The following ARB2A variants were observed in gnomAD, a reference collection of about 807,000 sequenced individuals.
The protein encoded by ARB2A is cotranscriptional regulator ARB2A.
the ARB2A span, among the ~76,000 whole-genome samples, chr5:93,827,582 C>A: frequency 6.6e-6 from 1 of 152,044 alleles, no homozygotes; most frequent in Admixed American, 6.5e-5. Flanking sequence ...TTTTGCTGTG[C>A]AGAAGCTCTT....
chr5:93,939,720 G>T, the ARB2A span, among the ~76,000 whole-genome samples: 2 of 151,956 alleles, frequency 1.3e-5, no homozygotes, highest in African/African-American at 4.8e-5. Context: ...ATTTTCTTCA[G>T]TGCTATTAAT....
chr5:93,986,560 C>T, the ARB2A span, among the ~76,000 whole-genome samples: 2 of 152,258 alleles, frequency 1.3e-5, no homozygotes, highest in East Asian at 1.9e-4. Context: ...ATGACGATGG[C>T]GGTTCTGTCT....
chr5:93,757,627 A>T, the ARB2A span, among the ~76,000 whole-genome samples: 2 of 152,310 alleles, frequency 1.3e-5, no homozygotes, highest in East Asian at 3.9e-4. Flanking sequence ...ATCCAGTGAA[A>T]CTAAGCATCA....
chr5:94,056,185 T>G, the ARB2A span, among the ~76,000 whole-genome samples: 1 of 152,242 alleles, frequency 6.6e-6, no homozygotes, highest in South Asian at 2.1e-4. Flanking sequence ...CTTATAATAC[T>G]CTAGCCCTCC....
the ARB2A span, among the ~76,000 whole-genome samples, chr5:93,623,934 C>A: frequency 1.3e-5 from 2 of 152,094 alleles, no homozygotes; most frequent in South Asian, 4.1e-4. Flanking sequence ...CTAACTTGGA[C>A]TGCATATATA....
At chr5:93,926,084 G>A in the ARB2A span, among the ~76,000 whole-genome samples, 1 of 151,666 alleles carries the variant, frequency 6.6e-6, no homozygotes, top group African/African-American at 2.4e-5. Flanking sequence ...TCTATGATAT[G>A]AATGGGGAAT....
the ARB2A span, among the ~76,000 whole-genome samples, chr5:93,898,591 A>C: frequency 6.6e-6 from 1 of 152,090 alleles, no homozygotes; most frequent in Non-Finnish European, 1.5e-5. Flanking sequence ...TATGTACAGT[A>C]AGAAAGCTCG....
At chr5:93,861,696 TAC>T in the ARB2A span, 23 of 152,332 alleles carry the variant, frequency 1.5e-4, no homozygotes, top group African/African-American at 5.5e-4. Context: ...GCTTGATACA[TAC>T]AGTTTTTGGC....
the ARB2A span, among the ~76,000 whole-genome samples, chr5:93,784,938 T>C: frequency 1.3e-5 from 2 of 152,206 alleles, no homozygotes; most frequent in East Asian, 3.8e-4. Context: ...GATATCTTGC[T>C]TTGACTTTTC....
chr5:93,667,779 CCA>C, the ARB2A span, among the ~76,000 whole-genome samples: 1 of 152,154 alleles, frequency 6.6e-6, no homozygotes, highest in South Asian at 2.1e-4. Flanking sequence ...AAAAGTCAAG[CCA>C]CAATTTAGCT....
the ARB2A span, among the ~76,000 whole-genome samples, chr5:93,896,245 G>A: frequency 6.6e-6 from 1 of 152,074 alleles, no homozygotes; most frequent in East Asian, 1.9e-4. Context: ...TACAGATTGA[G>A]CATCCCTAAT....
chr5:93,994,920 A>C, the ARB2A span, among the ~76,000 whole-genome samples: 2 of 151,740 alleles, frequency 1.3e-5, no homozygotes, highest in African/African-American at 4.8e-5. Context: ...TAAATAAATA[A>C]ATAAATAAAT....
At chr5:93,837,066 T>C in the ARB2A span, among the ~76,000 whole-genome samples, 8 of 152,104 alleles carry the variant, frequency 5.3e-5, no homozygotes, top group African/African-American at 1.9e-4. Flanking sequence ...GGTGTACAGA[T>C]TATTTAGTCA....
the ARB2A span, among the ~76,000 whole-genome samples, chr5:94,054,096 A>G: frequency 2.0e-5 from 3 of 152,292 alleles, no homozygotes; most frequent in South Asian, 6.2e-4. Context: ...AGATTGATGG[A>G]AAAGTTGAAA....
the ARB2A span, among the ~76,000 whole-genome samples, chr5:93,812,584 C>G: frequency 6.2e-4 from 94 of 152,102 alleles, no homozygotes; most frequent in East Asian, 0.014. Flanking sequence ...TCTTCTAATG[C>G]AGTTGTCTGG....
At chr5:94,089,471 G>A in the ARB2A span, among the ~76,000 whole-genome samples, 1 of 152,082 alleles carries the variant, frequency 6.6e-6, no homozygotes, top group African/African-American at 2.4e-5. Context: ...CCTGAAATCT[G>A]GATATCGATA....
At chr5:93,856,366 C>T in the ARB2A span, among the ~76,000 whole-genome samples, 1 of 152,196 alleles carries the variant, frequency 6.6e-6, no homozygotes, top group East Asian at 1.9e-4. Context: ...GGATAATATC[C>T]TGCAGAGTGT....
the ARB2A span, among the ~76,000 whole-genome samples, chr5:93,955,187 A>G: frequency 6.6e-6 from 1 of 152,048 alleles, no homozygotes; most frequent in South Asian, 2.1e-4. Context: ...GTTTAACTTG[A>G]TGTCCTTGCA....
chr5:93,698,417 A>G, the ARB2A span, among the ~76,000 whole-genome samples: 26 of 152,338 alleles, frequency 1.7e-4, no homozygotes, highest in South Asian at 6.2e-4. Flanking sequence ...TAAAATATAT[A>G]CAGGGCTAGA....
Sources: gnomAD v4.1 joint callset for allele counts (sites outside exome capture counted in the v4.1 genomes callset) on GRCh38, gnomAD v4.1.1 for gene constraint, MANE v1.5 for transcripts, NCBI Gene and HGNC (gene_info 2026-07-23, HGNC 2026-07-21) for gene names.